FIG4: variants seen among roughly 807,000 people sequenced by gnomAD.
FIG4 encodes the protein FIG4 phosphoinositide 5-phosphatase.
Under a neutral mutation model 118.6 loss-of-function variants are expected in FIG4, and 112 were observed. The observed-to-expected ratio is 0.94, with a 90% confidence interval of 0.81 to 1.11. The LOEUF is 1.11. FIG4 is among the 50% of genes least tolerant of loss of function. The pLI, the probability that FIG4 is intolerant of heterozygous loss-of-function variation, is 0.00. For synonymous variants in FIG4, 369 were observed against 381.2 expected (o/e 0.97, Z 0.37); for missense variants, 969 against 1,111.7 (o/e 0.87, Z 1.83).
At chr6:109,725,101 A>T (rs186109255) in intron 3 of FIG4, among the ~76,000 whole-genome samples, 2,978 of 152,020 alleles carry the variant, frequency 0.02, 47 homozygotes, top group Non-Finnish European at 0.027. Flanking sequence ...ATTTTTTTTT[A>T]AAATTTAAGT....
At chr6:109,746,912 GGGCT>G (rs1322852222) in intron 10 of FIG4, among the ~76,000 whole-genome samples, 1 of 152,016 alleles carries the variant, frequency 6.6e-6, no homozygotes, top group Non-Finnish European at 1.5e-5. Flanking sequence ...AGTTGGTGAT[GGGCT>G]GGATTTGAAA....
Position 109,789,601 on chromosome 6 carries a change from A to T in FIG4, c.2104A>T (p.Met702Leu). 1 of 1,612,834 alleles carries T rather than the reference A, an allele frequency of 6.2e-7. No homozygotes were observed. The highest frequency in any genetic ancestry group is 8.5e-7 in the Non-Finnish European group (1 of 1,178,940). ...LAMTSSARDF[M>L]PKTVGIDPSP... ...GTTTTCACCTTTCTTTAGTGACTTTATGCCTAAGACCGTTGGAATTGATCC... is the reference window on the plus strand; with the variant it reads ...GTTTTCACCTTTCTTTAGTGACTTTTTGCCTAAGACCGTTGGAATTGATCC... Residue 702 changes from methionine to leucine, a missense_variant, in exon 19 of 23, where the codon ATG becomes TTG. Physicochemically the swap from Met to Leu is conservative, Grantham distance 15 (BLOSUM62 2). Coordinates refer to ENST00000230124, the MANE Select transcript of FIG4 (RefSeq NM_014845.6).
rs1048137431 is a variant in FIG4 at position 109,792,608 on chromosome 6, A to G, written c.2403A>G (p.Leu801=). Reference sequence around the variant, plus strand: ...ATGTGGTCCAACCCATGAAGGAGCTATATGGAATTAACCTCTCAGATGGCC... The same window carrying G: ...ATGTGGTCCAACCCATGAAGGAGCTGTATGGAATTAACCTCTCAGATGGCC... ...TENVVQPMKE[L]YGINLSDGLS... The change falls in exon 21 of 23, where the codon CTA becomes CTG. Residue 801 remains leucine (L), a synonymous_variant. Transcript: ENST00000230124. 6 of 1,604,976 alleles carry G rather than the reference A, an allele frequency of 3.7e-6. No homozygotes were observed. The highest frequency in any genetic ancestry group is 1.7e-5 in the Admixed American group (1 of 59,940).
rs1389659911 is a variant in FIG4, at chr6:109,743,089, T to C, written c.877-21T>C. The stretch of plus-strand genomic sequence containing the variant: ...CATTTCTAATAACATAAAATATTTT[T>C]CAATGCACCTTTCTTTTCAGGGTGA... On this transcript the variant is annotated intron_variant, in intron 8 of 22. Coordinates refer to ENST00000230124, the MANE Select transcript of FIG4 (RefSeq NM_014845.6). The C allele has an allele frequency of 1.9e-6, 3 of 1,602,374 alleles. No individual in the cohort carries two copies. The African/African-American group carries it at 4.0e-5, about 21-fold the overall frequency.
At chr6:109,821,549 A>G (rs1481186972) in intron 22 of FIG4, among the ~76,000 whole-genome samples, 1 of 152,224 alleles carries the variant, frequency 6.6e-6, no homozygotes, top group African/African-American at 2.4e-5. Context: ...GAAGAAAGAC[A>G]TTAAAAAGGA....
At chr6:109,746,938 G>C (rs548172885) in intron 10 of FIG4, among the ~76,000 whole-genome samples, 4 of 151,936 alleles carry the variant, frequency 2.6e-5, no homozygotes, top group Admixed American at 1.3e-4. Flanking sequence ...GAGGGAGTAG[G>C]GGGTGTCAGG....
Position 109,809,645 on chromosome 6 carries a change from A to G in FIG4, c.2546+12794A>G, listed in dbSNP as rs1778667222. On this transcript the variant is annotated intron_variant, in intron 22 of 22. Transcript: ENST00000230124. ...GTTACAGCCTTGCTCAGTATTTGCCAGCAGGATGATATCTGTGACTGGTTG... is the reference window on the plus strand; with the variant it reads ...GTTACAGCCTTGCTCAGTATTTGCCGGCAGGATGATATCTGTGACTGGTTG... Among the ~76,000 whole-genome samples the G allele has an allele frequency of 2.0e-5, 3 of 152,232 alleles. 1 individual carries two copies. In the South Asian group the frequency reaches 6.2e-4, roughly 32 times the overall value.
chr6:109,764,065 A>C, intron 13 of FIG4, 83 bp downstream of exon 13: 1 of 870,748 alleles, frequency 1.1e-6, no homozygotes, highest in Non-Finnish European at 1.9e-6. Context: ...TCATGGAAAG[A>C]CCTGTATCTT....
intron 1 of FIG4, among the ~76,000 whole-genome samples, chr6:109,703,747 A>G (rs1330876561): frequency 6.6e-6 from 1 of 152,146 alleles, no homozygotes; most frequent in Non-Finnish European, 1.5e-5. Context: ...CTGTCATCAG[A>G]TGCTCTGTCC....
chr6:109,802,452 A>G (rs1410225261), intron 22 of FIG4, among the ~76,000 whole-genome samples: 1 of 152,240 alleles, frequency 6.6e-6, no homozygotes, highest in Non-Finnish European at 1.5e-5. Flanking sequence ...ATGAAATAGC[A>G]CTGAACTGAA....
intron 17 of FIG4, chr6:109,785,569 G>C (rs1188888711): frequency 2.3e-6 from 1 of 441,258 alleles, no homozygotes; most frequent in Non-Finnish European, 4.8e-6. Context: ...TTAGAATGAT[G>C]TTTCCAAATT....
intron 10 of FIG4, among the ~76,000 whole-genome samples, chr6:109,755,137 T>C (rs575149963): frequency 6.6e-6 from 1 of 152,340 alleles, no homozygotes; most frequent in East Asian, 1.9e-4. Flanking sequence ...GTATGTTGTG[T>C]CTTTGTTCTC....
chr6:109,723,309 T>C (rs938653003), intron 3 of FIG4, among the ~76,000 whole-genome samples: 2 of 152,178 alleles, frequency 1.3e-5, no homozygotes, highest in African/African-American at 4.8e-5. Context: ...TGAAAGTTTT[T>C]GACCAAGATT....
At chr6:109,724,636 T>A (rs1470371755) in intron 3 of FIG4, among the ~76,000 whole-genome samples, 1 of 152,196 alleles carries the variant, frequency 6.6e-6, no homozygotes, top group Non-Finnish European at 1.5e-5. Flanking sequence ...ATTGGATGTG[T>A]GTTCCTCTTT....
In FIG4 at chr6:109,760,542, A is replaced by AT. The variant is rs1049508840; in HGVS notation, c.1271+168dup. On this transcript the variant is annotated intron_variant, in intron 11 of 22. Transcript: ENST00000230124. The stretch of plus-strand genomic sequence containing the variant: ...GAGTGCATCAAGAAACTAACCAAAC[A>AT]TTTTTTTTTCTTTTTGCCTATCATA... Among the ~76,000 whole-genome samples the AT allele has an allele frequency of 2.3e-4, 35 of 151,474 alleles. No homozygotes were observed. In the Middle Eastern group the frequency reaches 0.014, roughly 59 times the overall value.
intron 1 of FIG4, among the ~76,000 whole-genome samples, chr6:109,693,742 T>TA (rs1774624187): frequency 6.6e-6 from 1 of 152,170 alleles, no homozygotes; most frequent in Non-Finnish European, 1.5e-5. Flanking sequence ...AGGGGGGGTC[T>TA]GGCAGGAATG....
chr6:109,703,616 GGT>G (rs1346864804), intron 1 of FIG4, among the ~76,000 whole-genome samples: 1 of 152,166 alleles, frequency 6.6e-6, no homozygotes, highest in Non-Finnish European at 1.5e-5. Flanking sequence ...GAGGACCAGA[GGT>G]GTCCACTCCT....
chr6:109,693,732 A>T (rs963357451), intron 1 of FIG4, among the ~76,000 whole-genome samples: 2 of 152,166 alleles, frequency 1.3e-5, no homozygotes, highest in African/African-American at 2.4e-5. Flanking sequence ...ATTCATGGCC[A>T]GGGGGGGTCT....
intron 10 of FIG4, among the ~76,000 whole-genome samples, chr6:109,748,831 C>A (rs1293060449): frequency 6.6e-6 from 1 of 152,098 alleles, no homozygotes. Context: ...GAGACTTATT[C>A]ATTACCACAA....
Sources: allele counts gnomAD v4.1 joint callset (sites outside exome capture counted in the v4.1 genomes callset), GRCh38; gene constraint gnomAD v4.1.1; transcripts MANE v1.5; gene names NCBI Gene and HGNC (gene_info 2026-07-23, HGNC 2026-07-21).